The following FBXW8 variants were observed in gnomAD, a reference collection of about 807,000 sequenced individuals.
The protein encoded by FBXW8 is F-box/WD repeat-containing protein 8.
In FBXW8, 57 loss-of-function variants were observed where a neutral mutation model predicts 65.3. That is an observed-to-expected ratio of 0.87 (90% CI 0.71 to 1.09). The LOEUF is 1.09. Ranked by LOEUF, FBXW8 falls within the 50% of genes least tolerant of loss-of-function variation. FBXW8 has a pLI of 0.00. For missense variants in FBXW8, 777 were observed against 814.8 expected (o/e 0.95, Z 0.57); for synonymous variants, 308 against 330.2 (o/e 0.93, Z 0.73).
chr12:116,942,529 C>G (rs534659173), intron 2 of FBXW8, among the ~76,000 whole-genome samples: 1 of 151,596 alleles, frequency 6.6e-6, no homozygotes, highest in Non-Finnish European at 1.5e-5. Context: ...TGCACGCCAC[C>G]ATGTCCAGCT....
At chr12:117,010,516 C>A (rs368071512) in intron 8 of FBXW8, 66 bp downstream of exon 8, 12 of 1,606,140 alleles carry the variant, frequency 7.5e-6, no homozygotes, top group Non-Finnish European at 1.0e-5. Flanking sequence ...GCCCCCACTG[C>A]GCTGCTCACA....
chr12:117,000,045 GA>G (rs1392180775), intron 7 of FBXW8, among the ~76,000 whole-genome samples: 5 of 148,248 alleles, frequency 3.4e-5, no homozygotes, highest in Non-Finnish European at 7.4e-5. Flanking sequence ...GCAGTGGCGC[GA>G]TCTCTGCTCA....
chr12:116,971,446 C>T (rs923128469), intron 5 of FBXW8, among the ~76,000 whole-genome samples: 3 of 151,842 alleles, frequency 2.0e-5, no homozygotes, highest in African/African-American at 7.3e-5. Context: ...AGTTGACCTC[C>T]ACCTGGCATA....
intron 7 of FBXW8, among the ~76,000 whole-genome samples, chr12:116,998,426 C>T (rs911548262): frequency 2.0e-5 from 3 of 152,130 alleles, no homozygotes; most frequent in Non-Finnish European, 2.9e-5. Context: ...TGTTCATTGC[C>T]TTTCTTGTCT....
chr12:117,002,817 A>G (rs1192163206), intron 7 of FBXW8: 1 of 152,010 alleles, frequency 6.6e-6, no homozygotes, highest in Non-Finnish European at 1.5e-5. Context: ...CCAGTTGTCT[A>G]TCTTTCTCAT....
chr12:116,930,194 C>A (rs1881660977), intron 2 of FBXW8, among the ~76,000 whole-genome samples: 1 of 152,194 alleles, frequency 6.6e-6, no homozygotes, highest in Non-Finnish European at 1.5e-5. Context: ...TACCCAGCAA[C>A]CAGAATTGCT....
intron 7 of FBXW8, among the ~76,000 whole-genome samples, chr12:117,008,723 T>C (rs1431078537): frequency 6.6e-6 from 1 of 152,234 alleles, no homozygotes; most frequent in Non-Finnish European, 1.5e-5. Context: ...AAGTGATAAA[T>C]GTATAGGCTG....
Position 117,028,295 on chromosome 12 carries a change from T to G in FBXW8, c.*123T>G. ...GGGAAGAAAGCAGCCCAGGGTGCCATGCCTGACAGCACGCATCTCCCTGAC... is the reference window on the plus strand; with the variant it reads ...GGGAAGAAAGCAGCCCAGGGTGCCAGGCCTGACAGCACGCATCTCCCTGAC... On this transcript the variant is annotated 3_prime_UTR_variant, in exon 11 of 11. Coordinates refer to ENST00000652555, the MANE Select transcript of FBXW8 (RefSeq NM_153348.3). This position sits in a 1 kb window ranked among gnomAD's most constrained non-coding sequence, Gnocchi z 4.1. The G allele has an allele frequency of 1.6e-6, 2 of 1,218,796 alleles. No individual in the cohort carries two copies. Among genetic ancestry groups the G allele is most frequent in the Admixed American group, 4.3e-5 (2 of 46,634 alleles). 75.5% of individuals were successfully genotyped at this position (1,218,796 alleles called of 1,614,324 possible).
At chr12:117,002,434 G>C (rs1413339012) in intron 7 of FBXW8, 1 of 152,276 alleles carries the variant, frequency 6.6e-6, no homozygotes, top group Non-Finnish European at 1.5e-5. Flanking sequence ...GTTAAGGGGT[G>C]CCATGTTGCA....
chr12:116,987,316 G>C (rs1885769652), intron 6 of FBXW8: 1 of 152,298 alleles, frequency 6.6e-6, no homozygotes, highest in Non-Finnish European at 1.5e-5. Flanking sequence ...TTCATAATTA[G>C]TGTGGCTCAC....
intron 7 of FBXW8, among the ~76,000 whole-genome samples, chr12:116,996,948 G>A (rs1297105488): frequency 6.6e-6 from 1 of 152,182 alleles, no homozygotes; most frequent in African/African-American, 2.4e-5. Flanking sequence ...AGATGGAAAC[G>A]AGGTCATAAC....
At chr12:116,941,789 G>A (rs1433556617) in intron 2 of FBXW8, among the ~76,000 whole-genome samples, 1 of 152,076 alleles carries the variant, frequency 6.6e-6, no homozygotes, top group East Asian at 1.9e-4. Flanking sequence ...ATATTGTCTA[G>A]TATGCTATTT....
At chr12:117,010,896 GAAGGA>G (rs1211235700) in intron 8 of FBXW8, among the ~76,000 whole-genome samples, 1 of 152,176 alleles carries the variant, frequency 6.6e-6, no homozygotes, top group African/African-American at 2.4e-5. Context: ...TCTGGTGATG[GAAGGA>G]AAGAGAGACT....
chr12:116,985,100 A>G, intron 5 of FBXW8, 106 bp from the exon 6 acceptor site: 1 of 944,220 alleles, frequency 1.1e-6, no homozygotes, highest in Non-Finnish European at 1.5e-6. Context: ...TCTCATTTCC[A>G]AGGTATCTCC....
intron 7 of FBXW8, among the ~76,000 whole-genome samples, chr12:116,993,098 C>T (rs1179894167): frequency 8.2e-5 from 7 of 85,394 alleles, no homozygotes; most frequent in African/African-American, 9.2e-5. Context: ...TGATTTTTGA[C>T]TTTTTTTTTT....
At chr12:116,925,048 T>C (rs1881211674) in intron 1 of FBXW8, among the ~76,000 whole-genome samples, 1 of 151,974 alleles carries the variant, frequency 6.6e-6, no homozygotes, top group Admixed American at 6.5e-5. Context: ...AACACAGGAC[T>C]ATCGTGGGTC....
chr12:116,997,897 C>A (rs1953416230), intron 7 of FBXW8, among the ~76,000 whole-genome samples: 1 of 152,182 alleles, frequency 6.6e-6, no homozygotes, highest in African/African-American at 2.4e-5. Context: ...CTCACTACAA[C>A]CTCTGCCTCT....
intron 4 of FBXW8, among the ~76,000 whole-genome samples, chr12:116,955,093 C>T (rs1326483552): frequency 6.6e-6 from 1 of 151,668 alleles, no homozygotes; most frequent in Non-Finnish European, 1.5e-5. Context: ...AACATCTTTC[C>T]CAGGACCCAG....
At chr12:116,974,754 A>C (rs1020884599) in intron 5 of FBXW8, among the ~76,000 whole-genome samples, 1 of 152,208 alleles carries the variant, frequency 6.6e-6, no homozygotes, top group Non-Finnish European at 1.5e-5. Flanking sequence ...CAAAAAAAGA[A>C]TATATTGTGT....
Sources: allele counts gnomAD v4.1 joint callset (sites outside exome capture counted in the v4.1 genomes callset), GRCh38; gene constraint gnomAD v4.1.1; non-coding constraint Gnocchi (gnomAD v3.1); transcripts MANE v1.5; gene names NCBI Gene and HGNC (gene_info 2026-07-23, HGNC 2026-07-21).